Variants in DMXL1 observed in about 807,000 individuals in gnomAD.
DMXL1 encodes the protein dmX-like protein 1.
In DMXL1, 99 loss-of-function variants were observed where a neutral mutation model predicts 319.2. The ratio of observed to expected loss-of-function variants is 0.31; its 90% CI spans 0.26 to 0.37. The LOEUF (loss-of-function observed/expected upper bound fraction) is 0.37. Ranked by LOEUF, DMXL1 falls within the 10% of genes least tolerant of loss-of-function variation. DMXL1 has a pLI of 1.00. For synonymous variants in DMXL1, 1,385 were observed against 1,235.2 expected (o/e 1.12, Z -2.54); for missense variants, 3,745 against 3,595.6 (o/e 1.04, Z -1.06).
chr5:119,105,430 A>G (rs1053879215), intron 4 of DMXL1, among the ~76,000 whole-genome samples, 172 bp downstream of exon 4: 1 of 152,184 alleles, frequency 6.6e-6, no homozygotes, highest in African/African-American at 2.4e-5. Context: ...ACAGATATGC[A>G]CTGTAAGAAA....
At chr5:119,102,802 AAAAAT>A (rs1207669210) in intron 3 of DMXL1, among the ~76,000 whole-genome samples, 6 of 152,208 alleles carry the variant, frequency 3.9e-5, no homozygotes, top group Non-Finnish European at 8.8e-5. Context: ...CTCTAAAAAT[AAAAAT>A]AAAAGCAAAC....
At chr5:119,102,834 A>G (rs1757548665) in intron 3 of DMXL1, among the ~76,000 whole-genome samples, 1 of 152,170 alleles carries the variant, frequency 6.6e-6, no homozygotes, top group Non-Finnish European at 1.5e-5. Flanking sequence ...AAAGAAGATA[A>G]GTGTAGTGTC....
At chr5:119,102,567 T>A (rs1267069931) in intron 3 of DMXL1, among the ~76,000 whole-genome samples, 3 of 152,146 alleles carry the variant, frequency 2.0e-5, no homozygotes, top group African/African-American at 7.2e-5. Flanking sequence ...TGTAATCCTC[T>A]CTATTTGGGA....
At chr5:119,194,376 A>T (rs1459251305) in intron 30 of DMXL1, among the ~76,000 whole-genome samples, 1 of 152,214 alleles carries the variant, frequency 6.6e-6, no homozygotes, top group Non-Finnish European at 1.5e-5. Flanking sequence ...GTACTATAAG[A>T]TGTCAATAGG....
chr5:119,166,133 T>G (rs1283157112), intron 21 of DMXL1, among the ~76,000 whole-genome samples: 1 of 152,128 alleles, frequency 6.6e-6, no homozygotes, highest in East Asian at 1.9e-4. Flanking sequence ...ATCATTTGTT[T>G]TGAGTTTATT....
intron 34 of DMXL1, among the ~76,000 whole-genome samples, chr5:119,211,740 G>A (rs146149816): frequency 6.6e-6 from 1 of 152,306 alleles, no homozygotes; most frequent in East Asian, 1.9e-4. Flanking sequence ...GCAATGAAGT[G>A]TTCCAAGTAC....
chr5:119,201,116 TG>T (rs1468302162), intron 32 of DMXL1, among the ~76,000 whole-genome samples: 2 of 151,994 alleles, frequency 1.3e-5, no homozygotes, highest in African/African-American at 4.8e-5. Flanking sequence ...TGAATAGGAG[TG>T]GTGAGACAAA....
intron 34 of DMXL1, among the ~76,000 whole-genome samples, chr5:119,216,268 CAGA>C: frequency 6.6e-6 from 1 of 152,152 alleles, no homozygotes; most frequent in South Asian, 2.1e-4. Flanking sequence ...CTGGAGTAAG[CAGA>C]AGGTCAAATA....
intron 13 of DMXL1, among the ~76,000 whole-genome samples, chr5:119,137,716 T>A (rs566396226): frequency 6.6e-6 from 1 of 152,308 alleles, no homozygotes; most frequent in South Asian, 2.1e-4. Context: ...AAGAAGGTGC[T>A]TGCTTCTCCT....
In DMXL1 at chr5:119,121,157, A is replaced by G. The variant is rs779360982; in HGVS notation, c.1102+18A>G. 3.8e-6 allele frequency: 6 copies of G among 1,558,984 alleles called. No individual in the cohort carries two copies. Among genetic ancestry groups the G allele is most frequent in the Non-Finnish European group, 4.3e-6 (5 of 1,155,918 alleles). ...AGCCACAGGTAATGAAACATTGTTCAAAACATGTTTCTGAAATTGAATAGA... is the reference window on the plus strand; with the variant it reads ...AGCCACAGGTAATGAAACATTGTTCGAAACATGTTTCTGAAATTGAATAGA... On this transcript the variant is annotated intron_variant, in intron 9 of 43. Coordinates refer to ENST00000539542, the MANE Select transcript of DMXL1 (RefSeq NM_001290321.3).
intron 8 of DMXL1, 138 bp downstream of exon 8, chr5:119,119,142 A>T (rs981574777): frequency 5.2e-5 from 28 of 538,412 alleles, no homozygotes; most frequent in Middle Eastern, 5.1e-4. Context: ...TATTTGGTTC[A>T]AAAAACATAT....
rs535864324 is a variant in DMXL1, at chr5:119,114,694, A to G, written c.564+153A>G. 5.9e-5 allele frequency among the ~76,000 whole-genome samples: 9 copies of G among 152,218 alleles called. No individual in the cohort carries two copies. The South Asian group carries it at 1.9e-3, about 32-fold the overall frequency. On this transcript the variant is annotated intron_variant, in intron 6 of 43. Coordinates refer to ENST00000539542, the MANE Select transcript of DMXL1 (RefSeq NM_001290321.3). The stretch of plus-strand genomic sequence containing the variant: ...TTTTTGTTTGTTTGTTTTGTGATGG[A>G]GACTCACTCTGTCATCCAGACTGGA...
At chr5:119,123,492 A>C (rs1303966209) in intron 9 of DMXL1, among the ~76,000 whole-genome samples, 1 of 151,252 alleles carries the variant, frequency 6.6e-6, no homozygotes, top group African/African-American at 2.4e-5. Context: ...CCTATTTTTC[A>C]TTGTAGCAAG....
At chr5:119,127,910 A>G (rs1224016149) in intron 9 of DMXL1, 3 of 360,402 alleles carry the variant, frequency 8.3e-6, no homozygotes, top group Non-Finnish European at 1.7e-5. Context: ...TCACTTTTTC[A>G]AGCAAAAGCT....
chr5:119,175,117 T>C (rs1451202596), intron 25 of DMXL1, 144 bp from the exon 26 acceptor site: 1 of 539,638 alleles, frequency 1.9e-6, no homozygotes, highest in East Asian at 3.2e-5. Flanking sequence ...AAATGAGTGT[T>C]GTAGAAAAAA....
At chr5:119,241,755 A>G (rs1788866058) in intron 42 of DMXL1, among the ~76,000 whole-genome samples, 1 of 152,100 alleles carries the variant, frequency 6.6e-6, no homozygotes, top group South Asian at 2.1e-4. Flanking sequence ...ATACAATGAA[A>G]AATTCACAAG....
intron 35 of DMXL1, among the ~76,000 whole-genome samples, chr5:119,218,663 G>A (rs1784118898): frequency 6.6e-6 from 1 of 152,002 alleles, no homozygotes; most frequent in Admixed American, 6.6e-5. Context: ...CACCATGTTG[G>A]TTGGCCAGGA....
At chr5:119,240,891 A>G (rs1788649072) in intron 42 of DMXL1, among the ~76,000 whole-genome samples, 1 of 152,154 alleles carries the variant, frequency 6.6e-6, no homozygotes, top group African/African-American at 2.4e-5. Flanking sequence ...AGAAAACATA[A>G]TTTTCTATAA....
chr5:119,201,339 C>G (rs1424442577), intron 32 of DMXL1, among the ~76,000 whole-genome samples: 1 of 151,938 alleles, frequency 6.6e-6, no homozygotes, highest in Non-Finnish European at 1.5e-5. Flanking sequence ...TGGTTTTTGT[C>G]TTTAGTTCTG....
Sources: allele counts gnomAD v4.1 joint callset (sites outside exome capture counted in the v4.1 genomes callset), GRCh38; gene constraint gnomAD v4.1.1; transcripts MANE v1.5; gene names NCBI Gene and HGNC (gene_info 2026-07-23, HGNC 2026-07-21).